Variants in CDH9 observed in about 807,000 individuals in gnomAD.
CDH9 encodes the protein cadherin 9, also known as cadherin-9.
Under a neutral mutation model 70.9 loss-of-function variants are expected in CDH9, and 28 were observed. The observed-to-expected ratio is 0.40, with a 90% CI of 0.29 to 0.54. CDH9 has a LOEUF of 0.54. CDH9 is among the 20% of genes least tolerant of loss of function. CDH9 has a pLI of 0.59. For synonymous variants in CDH9, 409 were observed against 343.1 expected, an observed-to-expected ratio of 1.19 and a Z score of -2.12; for missense variants, 874 against 984.4, an observed-to-expected ratio of 0.89 and a Z score of 1.50.
At chr5:26,904,112 T>C (rs1740905072) in intron 5 of CDH9, among the ~76,000 whole-genome samples, 1 of 151,846 alleles carries the variant, frequency 6.6e-6, no homozygotes, top group African/African-American at 2.4e-5. Flanking sequence ...CCAGAACTTT[T>C]GGCTTAAAAG....
rs1448478161 is a variant in CDH9 at position 26,881,370 on chromosome 5, T to A, written c.2136A>T (p.Val712=). ...RTVPLWENID[V]QDFIHRRLKE... ...TTAATCTTCGATGGATAAAATCTTG[T>A]ACATCAATATTTTCCCACAGAGGCA... The change falls in exon 12 of 12, where the codon GTA becomes GTT. Residue 712 remains valine (V), a synonymous_variant. Coordinates refer to ENST00000231021, the MANE Select transcript of CDH9 (RefSeq NM_016279.4). 2 of 1,613,414 alleles carry A rather than the reference T, an allele frequency of 1.2e-6. No homozygotes were observed. The highest frequency in any genetic ancestry group is 8.5e-7 in the Non-Finnish European group (1 of 1,179,584).
chr5:26,895,728 A>G (rs1740738332), intron 7 of CDH9, among the ~76,000 whole-genome samples: 2 of 152,062 alleles, frequency 1.3e-5, no homozygotes. Context: ...GATGTATTTC[A>G]GAAAATATAT....
At chr5:26,890,093 C>A in intron 8 of CDH9, 136 bp from the exon 9 acceptor site, 1 of 769,706 alleles carries the variant, frequency 1.3e-6, no homozygotes. Context: ...AATATCTCAG[C>A]TCTCTTACAT....
chr5:26,981,328 A>G (rs542386506), intron 2 of CDH9, among the ~76,000 whole-genome samples: 2 of 152,254 alleles, frequency 1.3e-5, no homozygotes, highest in Admixed American at 1.3e-4. Context: ...CATTCTGTTT[A>G]CTTAAAATCA....
chr5:26,883,698 G>A (rs570512521), intron 11 of CDH9, among the ~76,000 whole-genome samples: 3 of 152,018 alleles, frequency 2.0e-5, no homozygotes, highest in Non-Finnish European at 4.4e-5. Context: ...ATTTGTGTAA[G>A]CGTATTTCCT....
At chr5:26,889,693 A>G in intron 9 of CDH9, 143 bp downstream of exon 9, 1 of 530,256 alleles carries the variant, frequency 1.9e-6, no homozygotes, top group South Asian at 3.0e-5. Flanking sequence ...AATCACTGTG[A>G]GTTCTTTGTT....
chr5:26,919,327 C>T (rs1741202474), intron 2 of CDH9, among the ~76,000 whole-genome samples: 2 of 152,044 alleles, frequency 1.3e-5, no homozygotes, highest in Admixed American at 6.6e-5. Flanking sequence ...CAGTGGAAAG[C>T]AACTTAGGGT....
chr5:27,037,042 T>C (rs777952057), intron 1 of CDH9, among the ~76,000 whole-genome samples: 32 of 151,990 alleles, frequency 2.1e-4, no homozygotes, highest in Non-Finnish European at 3.4e-4. Flanking sequence ...TAGGCAATGA[T>C]GTAGTGTCTG....
chr5:26,893,587 C>T (rs1257631274), intron 7 of CDH9, among the ~76,000 whole-genome samples: 1 of 151,784 alleles, frequency 6.6e-6, no homozygotes, highest in Non-Finnish European at 1.5e-5. Flanking sequence ...CAAGAGTAGC[C>T]TATATTTCTT....
intron 2 of CDH9, among the ~76,000 whole-genome samples, chr5:26,922,901 G>A (rs1197197003): frequency 6.6e-6 from 1 of 151,484 alleles, no homozygotes; most frequent in Non-Finnish European, 1.5e-5. Flanking sequence ...TTGCTTGTTT[G>A]TTTATGCAGT....
chr5:26,996,760 A>G (rs1417095381), intron 1 of CDH9, among the ~76,000 whole-genome samples: 1 of 151,502 alleles, frequency 6.6e-6, no homozygotes, highest in African/African-American at 2.4e-5. Context: ...CTATATCTAT[A>G]TCTATAGATT....
At position 26,915,889 on chromosome 5, in the gene CDH9, T is replaced by C; in HGVS notation, c.264A>G (p.Leu88=). ...HTDQDKGDGN[L]KYILTGDGAG... is the part of the protein sequence containing the mutation. ...CCCCATCTCCTGTTAGTATGTATTT[T>C]AAATTTCCATCTCCTTTATCTTGGT... The change falls in exon 3 of 12, where the codon TTA becomes TTG. Residue 88 remains leucine, a synonymous_variant. Transcript: ENST00000231021. 6.2e-7 allele frequency: 1 copy of C among 1,611,852 alleles called. No homozygotes were observed. The highest frequency in any genetic ancestry group is 8.5e-7 in the Non-Finnish European group (1 of 1,178,308).
rs1402112195 is a variant in CDH9 at position 26,988,188 on chromosome 5, C to T, written c.146G>A (p.Arg49His). ...GLTKDDGKML[R>H]RTKRGWMWNQ... ...CCACATCCAGCCACGCTTGGTGCGACGTAGCATTTTACCGTCATCTTTTGT... is the reference window on the plus strand; with the variant it reads ...CCACATCCAGCCACGCTTGGTGCGATGTAGCATTTTACCGTCATCTTTTGT... Residue 49 changes from arginine (R) to histidine (H), a missense_variant, in exon 2 of 12, where the codon CGT becomes CAT. By Grantham distance (29) the Arg-to-His change is conservative. Coordinates refer to ENST00000231021, the MANE Select transcript of CDH9 (RefSeq NM_016279.4). 5.0e-6 allele frequency: 8 copies of T among 1,613,468 alleles called. No individual in the cohort carries two copies. Among genetic ancestry groups the T allele is most frequent in the African/African-American group, 1.3e-5 (1 of 75,012 alleles).
At chr5:26,981,063 G>T (rs1434497127) in intron 2 of CDH9, among the ~76,000 whole-genome samples, 1 of 152,032 alleles carries the variant, frequency 6.6e-6, no homozygotes, top group African/African-American at 2.4e-5. Flanking sequence ...TTTTTTGTTG[G>T]TGGAAGAGAA....
chr5:26,997,819 A>T (rs1246648020), intron 1 of CDH9, among the ~76,000 whole-genome samples: 1 of 151,526 alleles, frequency 6.6e-6, no homozygotes, highest in African/African-American at 2.4e-5. Flanking sequence ...CCTGCCTCAG[A>T]CTCTCAAGTA....
rs185362500 is a variant in CDH9, at chr5:26,894,277, C to G, written c.1254-3713G>C. Among the ~76,000 whole-genome samples the G allele has an allele frequency of 2.3e-3, 354 of 152,222 alleles. 5 individuals carry two copies. Among genetic ancestry groups the G allele is most frequent in the Middle Eastern group, 0.02 (6 of 294 alleles). ...ATAAAATTTCCTTTTGTGCTCATTG[C>G]TAGCTGCCCTAGCGTTTAGCCTAGA... On this transcript the variant is annotated intron_variant, in intron 7 of 11. Coordinates refer to ENST00000231021, the MANE Select transcript of CDH9 (RefSeq NM_016279.4).
intron 2 of CDH9, among the ~76,000 whole-genome samples, chr5:26,983,359 G>T (rs1742434307): frequency 6.6e-6 from 1 of 152,082 alleles, no homozygotes; most frequent in African/African-American, 2.4e-5. Flanking sequence ...TAGAGAATGG[G>T]ATTATTCAAG....
chr5:26,915,886 T>C lies in CDH9; in HGVS notation c.267A>G (p.Lys89=). ...TDQDKGDGNL[K]YILTGDGAGS... ...CAGCCCCATCTCCTGTTAGTATGTATTTTAAATTTCCATCTCCTTTATCTT... is the reference window on the plus strand; with the variant it reads ...CAGCCCCATCTCCTGTTAGTATGTACTTTAAATTTCCATCTCCTTTATCTT... Residue 89 remains lysine (K), a synonymous_variant, in exon 3 of 12, where the codon AAA becomes AAG. Transcript: ENST00000231021. The C allele has an allele frequency of 6.2e-7, 1 of 1,612,038 alleles. No individual in the cohort carries two copies. Among genetic ancestry groups the C allele is most frequent in the African/African-American group, 1.3e-5 (1 of 74,924 alleles).
At chr5:26,897,781 C>T (rs968990190) in intron 7 of CDH9, among the ~76,000 whole-genome samples, 5 of 152,116 alleles carry the variant, frequency 3.3e-5, no homozygotes, top group African/African-American at 1.2e-4. Context: ...TCCTCTCTCA[C>T]CACTCCTATT....
Sources: allele counts gnomAD v4.1 joint callset (sites outside exome capture counted in the v4.1 genomes callset), GRCh38; gene constraint gnomAD v4.1.1; transcripts MANE v1.5; gene names NCBI Gene and HGNC (gene_info 2026-07-23, HGNC 2026-07-21).